ABCE1: variants seen among roughly 807,000 people sequenced by gnomAD.
ABCE1 encodes ATP binding cassette subfamily E member 1.
Under a neutral mutation model 83.4 loss-of-function variants are expected in ABCE1, and 22 were observed. The ratio of observed to expected loss-of-function variants is 0.26; its 90% CI spans 0.19 to 0.38. ABCE1 has a LOEUF of 0.38. Ranked by LOEUF, ABCE1 falls within the 10% of genes least tolerant of loss-of-function variation. The pLI, the probability that ABCE1 is intolerant of heterozygous loss-of-function variation, is 1.00. For synonymous variants in ABCE1, 204 were observed against 233.7 expected, an observed-to-expected ratio of 0.87 and a Z score of 1.16; for missense variants, 330 against 721.9, an observed-to-expected ratio of 0.46 and a Z score of 6.22.
At chr4:145,101,312 A>G (rs1468355829) in intron 1 of ABCE1, among the ~76,000 whole-genome samples, 1 of 152,198 alleles carries the variant, frequency 6.6e-6, no homozygotes, top group Non-Finnish European at 1.5e-5. Flanking sequence ...CATGCCTGGC[A>G]TGTGCTAGGA....
At chr4:145,120,695 AC>A (rs1749717753) in intron 11 of ABCE1, among the ~76,000 whole-genome samples, 1 of 152,124 alleles carries the variant, frequency 6.6e-6, no homozygotes, top group Non-Finnish European at 1.5e-5. Context: ...TTGTAATCTT[AC>A]AGCTTACAAA....
chr4:145,105,854 C>T (rs1389814845), intron 3 of ABCE1, among the ~76,000 whole-genome samples, 164 bp downstream of exon 3: 2 of 151,850 alleles, frequency 1.3e-5, no homozygotes, highest in African/African-American at 4.8e-5. Context: ...GACATTGTTG[C>T]TTTTTTAAAT....
chr4:145,127,162 T>C (rs984991443), intron 17 of ABCE1, among the ~76,000 whole-genome samples: 23 of 152,306 alleles, frequency 1.5e-4, no homozygotes, highest in African/African-American at 5.5e-4. Context: ...TAGGCAGATC[T>C]CAAACTGACA....
Position 145,104,006 on chromosome 4 carries a change from A to C in ABCE1, c.-27-380A>C, listed in dbSNP as rs543965958. Among the ~76,000 whole-genome samples, 29 of 152,208 alleles carry C rather than the reference A, an allele frequency of 1.9e-4. No individual in the cohort carries two copies. The South Asian group carries it at 6.0e-3, about 32-fold the overall frequency. ...AGGGTTTAAATCTGTGATATTAACT[A>C]TTCTTTATTATAAAAACTGAGATAG... On this transcript the variant is annotated intron_variant, in intron 1 of 17. Coordinates refer to ENST00000296577, the MANE Select transcript of ABCE1 (RefSeq NM_002940.3).
chr4:145,121,075 T>A (rs888666874), intron 11 of ABCE1, 99 bp from the exon 12 acceptor site: 3 of 1,201,750 alleles, frequency 2.5e-6, no homozygotes, highest in Non-Finnish European at 3.6e-6. Context: ...AGTGTATATC[T>A]TTAAAACAAA....
Position 145,117,135 on chromosome 4 carries a change from A to G in ABCE1, c.801-158A>G, listed in dbSNP as rs990886451. On this transcript the variant is annotated intron_variant, in intron 9 of 17. Coordinates refer to ENST00000296577, the MANE Select transcript of ABCE1 (RefSeq NM_002940.3). ...TTAGTTCAGGAAAACATTTTTAAATATGAGCATTGATAATGAGCCTTACTA... is the reference window on the plus strand; with the variant it reads ...TTAGTTCAGGAAAACATTTTTAAATGTGAGCATTGATAATGAGCCTTACTA... Among the ~76,000 whole-genome samples, 7 of 151,984 alleles carry G rather than the reference A, an allele frequency of 4.6e-5. No homozygotes were observed. In the South Asian group the frequency reaches 1.2e-3, roughly 27 times the overall value.
In ABCE1 at chr4:145,111,008, A is replaced by G; in HGVS notation, c.654A>G (p.Ser218=). 1.2e-6 allele frequency: 2 copies of G among 1,612,660 alleles called. No individual in the cohort carries two copies. The highest frequency in any genetic ancestry group is 2.2e-5 in the South Asian group (2 of 90,820). The change falls in exon 8 of 18, where the codon TCA becomes TCG. Residue 218 remains serine (S), a synonymous_variant. Transcript: ENST00000296577. ...HLKERNVEDL[S]GGELQRFACA... ...AAGAACGAAATGTTGAAGATCTTTC[A>G]GGAGGAGAGTTGCAGAGATTTGCTT...
intron 3 of ABCE1, among the ~76,000 whole-genome samples, chr4:145,106,662 A>C (rs971047214): frequency 6.6e-6 from 1 of 152,094 alleles, no homozygotes; most frequent in Non-Finnish European, 1.5e-5. Context: ...ATTCCTGAAC[A>C]CTAAGATATT....
Position 145,129,466 on chromosome 4 carries a change from A to G in ABCE1, c.*1893A>G, listed in dbSNP as rs1452368742. ...ACAAAAAACTGGAACAGTTTATTAT[A>G]CTACCATTTTTGTGAAAATATACAA... On this transcript the variant is annotated 3_prime_UTR_variant, in exon 18 of 18. Transcript: ENST00000296577. Among the ~76,000 whole-genome samples, 1 of 152,196 alleles carries G rather than the reference A, an allele frequency of 6.6e-6. No individual in the cohort carries two copies. The highest frequency in any genetic ancestry group is 6.5e-5 in the Admixed American group (1 of 15,282).
chr4:145,100,728 ATTTAGTCTCC>A (rs1355611846), intron 1 of ABCE1, among the ~76,000 whole-genome samples: 1 of 152,198 alleles, frequency 6.6e-6, no homozygotes, highest in East Asian at 1.9e-4. Flanking sequence ...TTACATGAAC[ATTTAGTCTCC>A]TTTTGAATGA....
rs975186068 is a variant in ABCE1, at chr4:145,110,078, T to C, written c.406-25T>C. The C allele has an allele frequency of 5.2e-6, 8 of 1,524,646 alleles. No homozygotes were observed. The South Asian group carries it at 1.0e-4, about 19-fold the overall frequency. The allele number at this position is 1,524,646 out of a possible 1,614,324, so 94.4% of individuals were successfully genotyped here. A position where few individuals can be genotyped will look rare whatever the true frequency, so the allele number is the denominator to read the frequency against. On this transcript the variant is annotated intron_variant, in intron 5 of 17. Transcript: ENST00000296577. ...TCATTGTATTATTAAATTCACATGA[T>C]TCTGTATTTTTTTTTTTTTTTTAGG...
At chr4:145,123,448 C>G (rs778297467) in intron 15 of ABCE1, 30 bp from the exon 16 acceptor site, 1 of 1,592,982 alleles carries the variant, frequency 6.3e-7, no homozygotes, top group Admixed American at 1.7e-5. Flanking sequence ...TGATAGAAAG[C>G]TATAAGATTT....
At chr4:145,115,284 A>G (rs965117922) in intron 9 of ABCE1, among the ~76,000 whole-genome samples, 1 of 151,964 alleles carries the variant, frequency 6.6e-6, no homozygotes, top group African/African-American at 2.4e-5. Flanking sequence ...TTTTCAAAGC[A>G]AAGTAAAAGC....
chr4:145,107,759 G>A (rs1203127214), intron 3 of ABCE1, among the ~76,000 whole-genome samples: 1 of 152,174 alleles, frequency 6.6e-6, no homozygotes, highest in South Asian at 2.1e-4. Context: ...CAGGACTTGA[G>A]TATGTGCCAA....
At chr4:145,110,699 A>T (rs1032582222) in intron 7 of ABCE1, 7 of 536,054 alleles carry the variant, frequency 1.3e-5, no homozygotes, top group South Asian at 1.3e-4. Flanking sequence ...CTGGTCTCGA[A>T]CTCCCACCTG....
At chr4:145,123,896 C>A in intron 16 of ABCE1, 1 of 193,852 alleles carries the variant, frequency 5.2e-6, no homozygotes, top group Non-Finnish European at 1.1e-5. Flanking sequence ...TTGAATTTCC[C>A]AAAAAAGATT....
intron 16 of ABCE1, 124 bp downstream of exon 16, chr4:145,123,724 T>C: frequency 1.0e-6 from 1 of 976,238 alleles, no homozygotes; most frequent in Non-Finnish European, 1.5e-6. Context: ...CTGTGACTCC[T>C]GAGATCATTG....
At chr4:145,103,563 T>C (rs567348875) in intron 1 of ABCE1, among the ~76,000 whole-genome samples, 1 of 152,340 alleles carries the variant, frequency 6.6e-6, no homozygotes, top group East Asian at 1.9e-4. Flanking sequence ...TTTGGTCTCC[T>C]TTTAATTTCA....
chr4:145,125,310 A>G (rs1421504468), intron 17 of ABCE1, among the ~76,000 whole-genome samples: 1 of 152,024 alleles, frequency 6.6e-6, no homozygotes, highest in Non-Finnish European at 1.5e-5. Flanking sequence ...TCTACTAAAA[A>G]TGCAAAAATT....
Sources: allele counts gnomAD v4.1 joint callset (sites outside exome capture counted in the v4.1 genomes callset), GRCh38; gene constraint gnomAD v4.1.1; transcripts MANE v1.5; gene names NCBI Gene and HGNC (gene_info 2026-07-23, HGNC 2026-07-21).